Variants in MXI1 observed in about 807,000 individuals in gnomAD.
MXI1 encodes the protein max-interacting protein 1.
A neutral mutation model predicts 36.9 loss-of-function variants in MXI1; 18 were observed. The ratio of observed to expected loss-of-function variants is 0.49; its 90% confidence interval spans 0.34 to 0.72. The LOEUF (loss-of-function observed/expected upper bound fraction) is 0.72, where lower values mean the gene tolerates loss of function less well. MXI1 is among the 30% of genes least tolerant of loss of function. The pLI is 0.01. For missense variants in MXI1, 304 were observed against 379.1 expected, an observed-to-expected ratio of 0.80 and a Z score of 1.64; for synonymous variants, 160 against 146.7, an observed-to-expected ratio of 1.09 and a Z score of -0.65.
chr10:110,240,692 G>GT lies in MXI1; in HGVS notation c.408-4129dup, dbSNP rs1020123155. ...GCTCTACTATAGCTAAAATTTTCTG[G>GT]TTTTTTTGCCCTCTACATGTATGTG... On this transcript the variant is annotated intron_variant, in intron 2 of 5. Coordinates refer to ENST00000332674, the MANE Select transcript of MXI1 (RefSeq NM_130439.3). Among the ~76,000 whole-genome samples, 24 of 151,914 alleles carry GT rather than the reference G, an allele frequency of 1.6e-4. No individual in the cohort carries two copies. The South Asian group carries it at 1.7e-3, about 11-fold the overall frequency.
At chr10:110,273,788 G>T (rs1856938535) in intron 3 of MXI1, among the ~76,000 whole-genome samples, 1 of 152,144 alleles carries the variant, frequency 6.6e-6, no homozygotes, top group African/African-American at 2.4e-5. Flanking sequence ...TAAAGTCTAG[G>T]TATCCTATAG....
At chr10:110,255,586 C>T (rs1281187331) in intron 3 of MXI1, among the ~76,000 whole-genome samples, 1 of 152,072 alleles carries the variant, frequency 6.6e-6, no homozygotes, top group Admixed American at 6.6e-5. Context: ...GAATAAAATA[C>T]CTAGGAATAA....
intron 1 of MXI1, chr10:110,226,192 G>T: frequency 1.4e-6 from 2 of 1,469,804 alleles, no homozygotes. Flanking sequence ...AGAGGCGCCG[G>T]TCGCCACCCG....
intron 2 of MXI1, among the ~76,000 whole-genome samples, chr10:110,228,999 T>C (rs1057348759): frequency 1.3e-5 from 2 of 152,330 alleles, no homozygotes; most frequent in African/African-American, 2.4e-5. Flanking sequence ...GTGGGAGGAT[T>C]GCTTGAGCTT....
At chr10:110,263,687 A>C (rs1050757123) in intron 3 of MXI1, among the ~76,000 whole-genome samples, 1 of 152,190 alleles carries the variant, frequency 6.6e-6, no homozygotes, top group Non-Finnish European at 1.5e-5. Flanking sequence ...TTGATATAGC[A>C]TCTTTGTAGA....
At chr10:110,277,928 A>G (rs987091806) in intron 3 of MXI1, among the ~76,000 whole-genome samples, 7 of 152,208 alleles carry the variant, frequency 4.6e-5, no homozygotes, top group Non-Finnish European at 8.8e-5. Context: ...TTTCTTGTCT[A>G]TTAAGACAGA....
intron 3 of MXI1, among the ~76,000 whole-genome samples, chr10:110,252,255 G>A (rs1022829332): frequency 7.2e-5 from 11 of 152,058 alleles, no homozygotes; most frequent in African/African-American, 2.7e-4. Context: ...ACTGCAGCAA[G>A]GAAAAAAGAA....
chr10:110,261,154 G>A (rs984565629), intron 3 of MXI1: 2 of 983,732 alleles, frequency 2.0e-6, no homozygotes, highest in Non-Finnish European at 2.4e-6. Flanking sequence ...AGGTCAGTAT[G>A]TTGGAATCTT....
At chr10:110,276,262 A>G (rs564493877) in intron 3 of MXI1, among the ~76,000 whole-genome samples, 25 of 152,120 alleles carry the variant, frequency 1.6e-4, no homozygotes, top group Admixed American at 7.2e-4. Context: ...ATTCAAGTCC[A>G]AAGTCAAATT....
rs1854790659 is a variant in MXI1, at chr10:110,221,041, TAGTGGA to T, written c.275-7145_275-7140del. Among the ~76,000 whole-genome samples, 3 of 152,188 alleles carry T rather than the reference TAGTGGA, an allele frequency of 2.0e-5. No individual in the cohort carries two copies. The South Asian group carries it at 6.2e-4, about 31-fold the overall frequency. On this transcript the variant is annotated intron_variant, in intron 1 of 5. Coordinates refer to ENST00000332674, the MANE Select transcript of MXI1 (RefSeq NM_130439.3). ...GTTTCCTGTGGTGGTCTTTTAATTA[TAGTGGA>T]AGGGTGAGGTTGGGCCCAAGGTTTG...
At chr10:110,263,270 T>C (rs75512323) in intron 3 of MXI1, among the ~76,000 whole-genome samples, 7,990 of 152,240 alleles carry the variant, frequency 0.052, 321 homozygotes, top group Middle Eastern at 0.15. Flanking sequence ...TAGTGAGATA[T>C]TTGCTACCCT....
chr10:110,212,056 G>T lies in MXI1; in HGVS notation c.274+3974G>T, dbSNP rs530746914. 5.9e-5 allele frequency among the ~76,000 whole-genome samples: 9 copies of T among 152,340 alleles called. No individual in the cohort carries two copies. In the East Asian group the frequency reaches 1.5e-3, roughly 26 times the overall value. ...ATGTTATGTGCATAAGAGCCGACTG[G>T]CAGGTAAGTGAAACAAGCTGTGAGA... is the stretch of plus-strand genomic sequence containing the variant. On this transcript the variant is annotated intron_variant, in intron 1 of 5. Transcript: ENST00000332674.
At chr10:110,218,116 G>A (rs1854700527) in intron 1 of MXI1, among the ~76,000 whole-genome samples, 1 of 152,102 alleles carries the variant, frequency 6.6e-6, no homozygotes, top group East Asian at 1.9e-4. Context: ...TAGGGCTCTG[G>A]GAAAAGCCCC....
At chr10:110,235,607 GA>G (rs570410637) in intron 2 of MXI1, among the ~76,000 whole-genome samples, 39 of 151,394 alleles carry the variant, frequency 2.6e-4, no homozygotes, top group Middle Eastern at 3.4e-3. Context: ...AGAATGGTGT[GA>G]ACCCAAGAGG....
intron 3 of MXI1, among the ~76,000 whole-genome samples, chr10:110,252,599 T>G (rs2134410759): frequency 6.6e-6 from 1 of 152,274 alleles, no homozygotes; most frequent in East Asian, 1.9e-4. Flanking sequence ...GCCTTAACAT[T>G]TATATCTGTC....
Position 110,210,058 on chromosome 10 carries a change from G to T in MXI1, c.274+1976G>T, listed in dbSNP as rs1000908845. On this transcript the variant is annotated intron_variant, in intron 1 of 5. Transcript: ENST00000332674. ...CCCACCCCCCACCCCCCACCCCGCC[G>T]CCCTGGCCGCCGCCACCTCGTTGTT... Among the ~76,000 whole-genome samples, 4 of 23,822 alleles carry T rather than the reference G, an allele frequency of 1.7e-4. No individual in the cohort carries two copies. In the Admixed American group the frequency reaches 1.8e-3, roughly 11 times the overall value. 15.6% of individuals were successfully genotyped at this position (23,822 alleles called of 152,430 possible).
rs2134472261 is a variant in MXI1 at position 110,280,014 on chromosome 10, A to G, written c.653A>G (p.Gln218Arg). ...CGACTGGAACAGCTGCAGGGTCCTC[A>G]GGAGATGGAACGAATACGAATGGAC... ...KWRLEQLQGP[Q>R]EMERIRMDSI... is the part of the protein sequence containing the mutation. The change falls in exon 5 of 6, where the codon CAG (glutamine) becomes CGG (arginine). Residue 218 changes from glutamine (Q) to arginine (R), a missense_variant. Coordinates refer to ENST00000332674, the MANE Select transcript of MXI1 (RefSeq NM_130439.3). 1.9e-6 allele frequency: 3 copies of G among 1,612,320 alleles called. No homozygotes were observed. The East Asian group carries it at 6.7e-5, about 36-fold the overall frequency.
intron 3 of MXI1, among the ~76,000 whole-genome samples, chr10:110,269,945 G>A (rs1331759509): frequency 6.6e-6 from 1 of 152,164 alleles, no homozygotes; most frequent in African/African-American, 2.4e-5. Context: ...AGGCCAAAGA[G>A]TAGAAAAACT....
chr10:110,250,691 G>A (rs1856046703), intron 3 of MXI1, among the ~76,000 whole-genome samples: 1 of 151,800 alleles, frequency 6.6e-6, no homozygotes, highest in Non-Finnish European at 1.5e-5. Context: ...AATTAGCCAG[G>A]CATGGTGGTG....
Sources: gnomAD v4.1 joint callset for allele counts (sites outside exome capture counted in the v4.1 genomes callset) on GRCh38, gnomAD v4.1.1 for gene constraint, MANE v1.5 for transcripts, NCBI Gene and HGNC (gene_info 2026-07-23, HGNC 2026-07-21) for gene names.